The following POMT1 variants were observed in gnomAD, a reference collection of about 807,000 sequenced individuals.
POMT1 encodes the protein protein O-mannosyltransferase 1, also known as protein O-mannosyl-transferase 1.
In POMT1, 85 loss-of-function variants were observed where a neutral mutation model predicts 101.6. That is an observed-to-expected ratio of 0.84 (90% CI 0.70 to 1.00). The LOEUF is 1.00. POMT1 is among the 50% of genes least tolerant of loss of function. The pLI is 0.00. For synonymous variants in POMT1, 371 were observed against 383.0 expected (o/e 0.97, Z 0.37); for missense variants, 857 against 930.4 (o/e 0.92, Z 1.03).
chr9:131,520,892 G>C (rs1317819893), intron 17 of POMT1, among the ~76,000 whole-genome samples: 2 of 152,234 alleles, frequency 1.3e-5, no homozygotes, highest in Non-Finnish European at 2.9e-5. Flanking sequence ...ATCCAGGCTG[G>C]AGTACAGTGG....
chr9:131,504,747 A>ATATGTGTGTGTGTGTG lies in POMT1; in HGVS notation c.122+408_122+409insATGTGTGTGTGTGTGT, dbSNP rs56692415. ...TGAAGGGCTCTTTATTAACTGATTAATGTGTGTATGTGTGTGTGTGTGTGT... is the reference window on the plus strand; with the variant it reads ...TGAAGGGCTCTTTATTAACTGATTAATATGTGTGTGTGTGTGTGTGTGTATGTGTGTGTGTGTGTGT... On this transcript the variant is annotated intron_variant, in intron 2 of 19. Transcript: ENST00000402686. Among the ~76,000 whole-genome samples, 215 of 122,768 alleles carry ATATGTGTGTGTGTGTG rather than the reference A, an allele frequency of 1.8e-3. 5 individuals are homozygous for ATATGTGTGTGTGTGTG. The highest frequency in any genetic ancestry group is 5.6e-3 in the South Asian group (20 of 3,602). 80.5% of individuals were successfully genotyped at this position (122,768 alleles called of 152,430 possible). A position where few individuals can be genotyped will look rare whatever the true frequency, so the allele number is the denominator to read the frequency against.
At position 131,519,937 on chromosome 9, in the gene POMT1, T is replaced by C. The variant is rs1368573316; in HGVS notation, c.1585-143T>C. ...AGGGCTGGAATCCAGGTTCTCATCA[T>C]GCTGCCTCCGATGCATGATCCGAAT... On this transcript the variant is annotated intron_variant, in intron 16 of 19. Coordinates refer to ENST00000402686, the MANE Select transcript of POMT1 (RefSeq NM_001077365.2). The surrounding 1 kb of genome is among the most constrained non-coding windows in gnomAD (Gnocchi z 4.3). 1 of 715,276 alleles carries C rather than the reference T, an allele frequency of 1.4e-6. No homozygotes were observed. The highest frequency in any genetic ancestry group is 2.7e-5 in the East Asian group (1 of 37,092). 44.3% of individuals were successfully genotyped at this position (715,276 alleles called of 1,614,324 possible).
In POMT1 at chr9:131,513,271, CTG is replaced by C. The variant is rs1265773272; in HGVS notation, c.1118_1119del (p.Val373GlufsTer21). 3 of 1,613,062 alleles carry C rather than the reference CTG, an allele frequency of 1.9e-6. No individual in the cohort carries two copies. In the South Asian group the frequency reaches 3.3e-5, roughly 18 times the overall value. ...CTGGTGGTGAGCAGCCCTCCGAGAC[CTG>C]TGAGGCACGGGGACATGGTGCAGCT... On this transcript the variant is annotated frameshift_variant, in exon 12 of 20. Coordinates refer to ENST00000402686, the MANE Select transcript of POMT1 (RefSeq NM_001077365.2). LOFTEE classifies it high-confidence loss of function.
intron 2 of POMT1, 39 bp from the exon 3 acceptor site, chr9:131,506,075 C>T: frequency 6.2e-7 from 1 of 1,611,310 alleles, no homozygotes; most frequent in Non-Finnish European, 8.5e-7. Context: ...AGTTAAGATT[C>T]TAATTGAATA....
At chr9:131,517,396 T>C (rs1948929137) in intron 13 of POMT1, among the ~76,000 whole-genome samples, 1 of 152,174 alleles carries the variant, frequency 6.6e-6, no homozygotes, top group Non-Finnish European at 1.5e-5. Context: ...CCTGTTAATT[T>C]TGAATATTTA....
At position 131,521,433 on chromosome 9, in the gene POMT1, C is replaced by T. The variant is rs1949892869; in HGVS notation, c.1786C>T (p.Leu596=). 4 of 1,614,166 alleles carry T rather than the reference C, an allele frequency of 2.5e-6. No homozygotes were observed. The highest frequency in any genetic ancestry group is 3.4e-6 in the Non-Finnish European group (4 of 1,180,030). ...CTACGCCCTGCTGTCCTTGTGGTACCTGCTCCGACGGCGAAGAAATGTCCA... is the reference window on the plus strand; with the variant it reads ...CTACGCCCTGCTGTCCTTGTGGTACTTGCTCCGACGGCGAAGAAATGTCCA... The part of the protein sequence containing the change: ...AIYALLSLWY[L]LRRRRNVHDL... Residue 596 remains leucine, a synonymous_variant, in exon 18 of 20, where the codon CTG becomes TTG. Transcript: ENST00000402686.
chr9:131,516,139 T>C (rs1196448091), intron 13 of POMT1, among the ~76,000 whole-genome samples: 4 of 69,120 alleles, frequency 5.8e-5, no homozygotes, highest in Admixed American at 1.4e-4. Flanking sequence ...CACGGAACAC[T>C]TCCTCTAACA....
intron 5 of POMT1, among the ~76,000 whole-genome samples, chr9:131,507,748 A>G (rs982158156): frequency 2.6e-5 from 4 of 152,198 alleles, no homozygotes; most frequent in African/African-American, 4.8e-5. Context: ...AACTGCCCAG[A>G]TGCTGCTGCA....
intron 17 of POMT1, 137 bp from the exon 18 acceptor site, chr9:131,521,209 G>A (rs1313118252): frequency 8.1e-7 from 1 of 1,231,610 alleles, no homozygotes; most frequent in Non-Finnish European, 1.2e-6. Flanking sequence ...GTAAGGCCTA[G>A]TGGATGCTAG....
chr9:131,509,836 G>T (rs748196226), intron 7 of POMT1, 28 bp downstream of exon 7: 2 of 1,614,102 alleles, frequency 1.2e-6, no homozygotes, highest in African/African-American at 1.3e-5. Flanking sequence ...GTCTTGGGCA[G>T]TGTCCTCCTC....
intron 4 of POMT1, chr9:131,506,878 C>A: frequency 3.7e-6 from 1 of 267,288 alleles, no homozygotes; most frequent in Non-Finnish European, 7.3e-6. Flanking sequence ...ACCATTATGG[C>A]TAACATGGTG....
chr9:131,516,009 ACAGGACAC>A (rs1948408814), intron 13 of POMT1, among the ~76,000 whole-genome samples: 1 of 37,786 alleles, frequency 2.6e-5, no homozygotes, highest in Admixed American at 3.5e-4. Context: ...TTCCTCTAAC[ACAGGACAC>A]TTCCTCACAC....
chr9:131,504,563 T>C (rs1324584674), intron 2 of POMT1, among the ~76,000 whole-genome samples: 1 of 152,034 alleles, frequency 6.6e-6, no homozygotes, highest in African/African-American at 2.4e-5. Context: ...TTTGGCCCAT[T>C]AAAGGGGTGC....
chr9:131,519,609 A>C lies in POMT1; in HGVS notation c.1584+123A>C. 2 of 936,228 alleles carry C rather than the reference A, an allele frequency of 2.1e-6. No individual in the cohort carries two copies. Among genetic ancestry groups the C allele is most frequent in the Non-Finnish European group, 3.3e-6 (2 of 602,428 alleles). The allele number at this position is 936,228 out of a possible 1,614,324, so 58.0% of individuals were successfully genotyped here. ...TTTGACGCTGGAGCTACAGGCTCACAACAGAATGAGTGTCTCCTCTCTCCA... is the reference window on the plus strand; with the variant it reads ...TTTGACGCTGGAGCTACAGGCTCACCACAGAATGAGTGTCTCCTCTCTCCA... On this transcript the variant is annotated intron_variant, in intron 16 of 19. Coordinates refer to ENST00000402686, the MANE Select transcript of POMT1 (RefSeq NM_001077365.2). This position sits in a 1 kb window ranked among gnomAD's most constrained non-coding sequence, Gnocchi z 4.3.
intron 3 of POMT1, 86 bp downstream of exon 3, chr9:131,506,306 C>T: frequency 6.4e-7 from 1 of 1,564,908 alleles, no homozygotes; most frequent in Non-Finnish European, 8.8e-7. Flanking sequence ...CAGGCAGAAA[C>T]CAGGTCTTAT....
Position 131,518,922 on chromosome 9 carries a change from C to A in POMT1, c.1451C>A (p.Thr484Lys), listed in dbSNP as rs201220016. ...EKLSRGYHGSTVWNVEEHRYG... is the reference protein window; with the variant it reads ...EKLSRGYHGSKVWNVEEHRYG... ...CTGTCCCGGGGCTACCACGGGAGCA[C>A]GGTGTGGAACGTGGAGGAGCACCGA... The change falls in exon 15 of 20, where the codon ACG becomes AAG. Residue 484 changes from threonine (T) to lysine (K), a missense_variant. Coordinates refer to ENST00000402686, the MANE Select transcript of POMT1 (RefSeq NM_001077365.2). 7 of 1,613,720 alleles carry A rather than the reference C, an allele frequency of 4.3e-6. No individual in the cohort carries two copies. The East Asian group carries it at 1.3e-4, about 31-fold the overall frequency.
Position 131,521,512 on chromosome 9 carries a change from T to C in POMT1, c.1825+40T>C, listed in dbSNP as rs534434773. 30 of 1,602,170 alleles carry C rather than the reference T, an allele frequency of 1.9e-5. No individual in the cohort carries two copies. In the South Asian group the frequency reaches 2.1e-4, roughly 11 times the overall value. ...CACATGGCTTTCTTTCTTTTTAATA[T>C]AGACATGGGGTCTTGCTGTGTTGTC... On this transcript the variant is annotated intron_variant, in intron 18 of 19. Coordinates refer to ENST00000402686, the MANE Select transcript of POMT1 (RefSeq NM_001077365.2).
rs760306801 is a variant in POMT1, at chr9:131,513,329, C to G, written c.1173C>G (p.Asn391Lys). The part of the protein sequence containing the change: ...LVHGMTTRSL[N>K]THDVAAPLSP... ...ACGGCATGACCACCCGCTCCCTGAACACGTGAGTGTGCCCGCCGTCTGCTC... is the reference window on the plus strand; with the variant it reads ...ACGGCATGACCACCCGCTCCCTGAAGACGTGAGTGTGCCCGCCGTCTGCTC... The change falls in exon 12 of 20, where the codon AAC becomes AAG. Residue 391 changes from asparagine to lysine, a missense_variant and splice_region_variant. Transcript: ENST00000402686. 2 of 1,611,380 alleles carry G rather than the reference C, an allele frequency of 1.2e-6. No individual in the cohort carries two copies. The highest frequency in any genetic ancestry group is 1.7e-6 in the Non-Finnish European group (2 of 1,179,692).
At chr9:131,510,233 C>T in intron 8 of POMT1, 27 bp from the exon 9 acceptor site, 2 of 1,614,192 alleles carry the variant, frequency 1.2e-6, no homozygotes, top group Non-Finnish European at 1.7e-6. Flanking sequence ...CGCAGTGGAA[C>T]ATGACTTTTC....
Sources: allele counts gnomAD v4.1 joint callset (sites outside exome capture counted in the v4.1 genomes callset), GRCh38; gene constraint gnomAD v4.1.1; non-coding constraint Gnocchi (gnomAD v3.1); transcripts MANE v1.5; gene names NCBI Gene and HGNC (gene_info 2026-07-23, HGNC 2026-07-21).